LTN1: variants seen among roughly 807,000 people sequenced by gnomAD.
LTN1 encodes the protein listerin E3 ubiquitin protein ligase 1, also known as E3 ubiquitin-protein ligase listerin.
LTN1 carries 88 observed loss-of-function variants against 201.2 expected under a neutral mutation model. That is an observed-to-expected ratio of 0.44 (90% confidence interval 0.37 to 0.52). The LOEUF is 0.52. Among genes scored for constraint, LTN1 ranks in the 20% least tolerant of loss-of-function variants. The probability of loss-of-function intolerance (pLI) is 0.00; values close to 1 mark genes in which losing one functional copy is unlikely to be tolerated. For missense variants in LTN1, 1,752 were observed against 2,038.7 expected (o/e 0.86, Z 2.71); for synonymous variants, 645 against 713.5 (o/e 0.90, Z 1.53).
intron 29 of LTN1, 58 bp from the exon 30 acceptor site, chr21:28,930,568 C>A: frequency 1.8e-6 from 2 of 1,107,756 alleles, no homozygotes; most frequent in Non-Finnish European, 2.7e-6. Flanking sequence ...CTCTAACATA[C>A]ATCATAAAGT....
chr21:28,989,464 A>C (rs1439162355), intron 1 of LTN1, among the ~76,000 whole-genome samples: 2 of 150,914 alleles, frequency 1.3e-5, no homozygotes, highest in African/African-American at 2.4e-5. Context: ...TATTTATGGC[A>C]CTTATTTTTT....
intron 29 of LTN1, 87 bp downstream of exon 29, chr21:28,931,067 GT>G (rs200449083): frequency 0.24 from 33,616 of 140,812 alleles, 1,182 homozygotes; most frequent in Non-Finnish European, 0.25. Context: ...CATTGTGTAG[GT>G]GTGTGTGTGT....
At chr21:28,957,863 C>G (rs970088228) in intron 14 of LTN1, among the ~76,000 whole-genome samples, 4 of 152,152 alleles carry the variant, frequency 2.6e-5, no homozygotes, top group African/African-American at 7.2e-5. Flanking sequence ...AATATACTTG[C>G]AATTCAACAT....
At chr21:28,972,382 T>A (rs1396695528) in intron 6 of LTN1, among the ~76,000 whole-genome samples, 1 of 105,656 alleles carries the variant, frequency 9.5e-6, no homozygotes, top group African/African-American at 3.7e-5. Flanking sequence ...CCCACACATA[T>A]ACCAAATTCT....
At chr21:28,982,089 T>C (rs995333852) in intron 5 of LTN1, among the ~76,000 whole-genome samples, 2 of 152,110 alleles carry the variant, frequency 1.3e-5, no homozygotes, top group Admixed American at 6.6e-5. Flanking sequence ...TAGTGGTGCA[T>C]GCCTATAATC....
chr21:28,955,943 A>C (rs2084421907), intron 16 of LTN1, among the ~76,000 whole-genome samples: 1 of 147,630 alleles, frequency 6.8e-6, no homozygotes, highest in Non-Finnish European at 1.5e-5. Context: ...AAAAAAAAAA[A>C]AGGAATGAAA....
At chr21:28,966,256 A>G in intron 10 of LTN1, 114 bp downstream of exon 10, 1 of 864,972 alleles carries the variant, frequency 1.2e-6, no homozygotes, top group Non-Finnish European at 1.8e-6. Context: ...TCAAGAATAT[A>G]TTGCTTGTCC....
chr21:28,958,437 G>C lies in LTN1; in HGVS notation c.2696C>G (p.Ser899Cys), dbSNP rs2084444732. ...SYKESTFLHL[S>C]ALWLKNQVQA... Reference sequence around the variant, plus strand: ...AACTTGGTTCTTCAGCCACAGAGCAGACAAATGTAGGAAGGTACTCTCTTT... The same window carrying C: ...AACTTGGTTCTTCAGCCACAGAGCACACAAATGTAGGAAGGTACTCTCTTT... Residue 899 changes from serine (S) to cysteine (C), a missense_variant, in exon 14 of 30, where the codon TCT becomes TGT. Transcript: ENST00000361371. 2 of 1,611,220 alleles carry C rather than the reference G, an allele frequency of 1.2e-6. No individual in the cohort carries two copies. The highest frequency in any genetic ancestry group is 1.7e-6 in the Non-Finnish European group (2 of 1,178,962).
rs536433789 is a variant in LTN1 at position 28,977,155 on chromosome 21, C to T, written c.810+3964G>A. Among the ~76,000 whole-genome samples, 22 of 152,210 alleles carry T rather than the reference C, an allele frequency of 1.4e-4. No homozygotes were observed. The South Asian group carries it at 4.6e-3, about 32-fold the overall frequency. On this transcript the variant is annotated intron_variant, in intron 6 of 29. Transcript: ENST00000361371. ...CTGGGAGGCCGAGGCAGGTGGATCA[C>T]CTGAGGTCAGGAGTTCGAGACCAGT...
At chr21:28,942,814 A>C (rs1304843717) in intron 24 of LTN1, among the ~76,000 whole-genome samples, 1 of 152,216 alleles carries the variant, frequency 6.6e-6, no homozygotes, top group Non-Finnish European at 1.5e-5. Context: ...CCTTTAAAAA[A>C]AAGTTATCTA....
intron 11 of LTN1, chr21:28,964,885 G>T: frequency 7.5e-7 from 1 of 1,335,040 alleles, no homozygotes; most frequent in Non-Finnish European, 9.8e-7. Context: ...CTTGGCTACA[G>T]GGAGAGAAGG....
rs374691818 is a variant in LTN1, at chr21:28,971,402, G to A, written c.853C>T (p.Arg285Cys). The A allele has an allele frequency of 8.5e-5, 137 of 1,614,050 alleles. No homozygotes were observed. The highest frequency in any genetic ancestry group is 3.3e-4 in the South Asian group (30 of 91,074). ...TCCTCTTTCATCAACTGTGGAATGC[G>A]CTGGCACAATGCAGAGACTAACTCA... ...YFELVSALCQRIPQLMKEEAS... is the reference protein window; with the variant it reads ...YFELVSALCQCIPQLMKEEAS... The change falls in exon 7 of 30, where the codon CGC becomes TGC. Residue 285 changes from arginine (R) to cysteine (C), a missense_variant. Coordinates refer to ENST00000361371, the MANE Select transcript of LTN1 (RefSeq NM_015565.3).
chr21:28,977,666 T>A (rs2146310516), intron 6 of LTN1, among the ~76,000 whole-genome samples: 1 of 152,184 alleles, frequency 6.6e-6, no homozygotes, highest in African/African-American at 2.4e-5. Flanking sequence ...GAGGTTGCAG[T>A]GAGTTGAGAT....
chr21:28,970,681 C>T lies in LTN1; in HGVS notation c.1046G>A (p.Arg349His), dbSNP rs61753613. 9.9e-4 allele frequency: 1,596 copies of T among 1,613,896 alleles called. 14 individuals are homozygous for T. The African/African-American group carries it at 0.017, about 17-fold the overall frequency. ...AGTAGCTAGACCCCGACCACCTTCA[C>T]GAATCACAGTTGATAGCTTGGGAAA... ...SVFPKLSTVIREGGRGLATVI... is the reference protein window; with the variant it reads ...SVFPKLSTVIHEGGRGLATVI... Residue 349 changes from arginine to histidine, a missense_variant, in exon 8 of 30, where the codon CGT becomes CAT. Arg to His is a conservative substitution (Grantham distance 29). Around this residue, in one of 3 missense-constraint regions of LTN1, gnomAD observed 1,211 missense variants for 1,312.8 expected, o/e 0.92. Transcript: ENST00000361371.
In LTN1 at chr21:28,929,539, G is replaced by A. The variant is rs1001680931; in HGVS notation, c.*909C>T. 2 of 151,632 alleles carry A rather than the reference G, an allele frequency of 1.3e-5. No individual in the cohort carries two copies. The highest frequency in any genetic ancestry group is 2.4e-5 in the African/African-American group (1 of 41,270). 9.4% of individuals were successfully genotyped at this position (151,632 alleles called of 1,614,324 possible). ...TTGGCTGGTAAGAATAGCTCAGTTT[G>A]CTTCCAAAATTGAAAGTCTCCTACA... On this transcript the variant is annotated 3_prime_UTR_variant, in exon 30 of 30. Transcript: ENST00000361371.
chr21:28,972,054 A>G (rs1218121987), intron 6 of LTN1, among the ~76,000 whole-genome samples: 1 of 152,190 alleles, frequency 6.6e-6, no homozygotes, highest in African/African-American at 2.4e-5. Context: ...TAGTATTAAG[A>G]AGCGAGGACT....
intron 9 of LTN1, among the ~76,000 whole-genome samples, 183 bp downstream of exon 9, chr21:28,969,283 T>C (rs2084553298): frequency 6.6e-6 from 1 of 152,118 alleles, no homozygotes; most frequent in South Asian, 2.1e-4. Flanking sequence ...CATACCATGC[T>C]AGCAACTGAG....
chr21:28,973,346 CAA>C (rs771261669), intron 6 of LTN1, among the ~76,000 whole-genome samples: 1 of 61,786 alleles, frequency 1.6e-5, no homozygotes, highest in African/African-American at 5.7e-5. Context: ...GAATCCGTCC[CAA>C]AAAAAAAAAA....
chr21:28,934,370 G>T (rs956832699), intron 27 of LTN1, among the ~76,000 whole-genome samples: 2 of 152,174 alleles, frequency 1.3e-5, no homozygotes, highest in African/African-American at 4.8e-5. Flanking sequence ...ATGCTGAATT[G>T]TAATCCCAAA....
Sources: gnomAD v4.1 joint callset for allele counts (sites outside exome capture counted in the v4.1 genomes callset) on GRCh38, gnomAD v4.1.1 for gene constraint, gnomAD v4.1.1 regional missense constraint, MANE v1.5 for transcripts, NCBI Gene and HGNC (gene_info 2026-07-23, HGNC 2026-07-21) for gene names.